TRPM1: variants seen among roughly 807,000 people sequenced by gnomAD.
TRPM1 encodes transient receptor potential cation channel subfamily M member 1, also known as TRPM1-203 APA Isoform, Intron 10.
TRPM1 carries 113 observed loss-of-function variants against 149.4 expected under a neutral mutation model. The observed-to-expected ratio is 0.76, with a 90% CI of 0.65 to 0.88. The LOEUF (loss-of-function observed/expected upper bound fraction) is 0.88. Ranked by LOEUF, TRPM1 falls within the 40% of genes least tolerant of loss-of-function variation. The pLI, the probability that TRPM1 is intolerant of heterozygous loss-of-function variation, is 0.00. For synonymous variants in TRPM1, 741 were observed against 759.5 expected, an observed-to-expected ratio of 0.98 and a Z score of 0.40; for missense variants, 1,976 against 2,038.7, an observed-to-expected ratio of 0.97 and a Z score of 0.59.
In TRPM1 at chr15:31,157,471, C is replaced by T. The variant is rs563472224; in HGVS notation, c.54+3435G>A. Among the ~76,000 whole-genome samples, 11 of 152,232 alleles carry T rather than the reference C, an allele frequency of 7.2e-5. 1 individual carries two copies. The highest frequency in any genetic ancestry group is 2.6e-4 in the African/African-American group (11 of 41,510). Reference sequence around the variant, plus strand: ...AGATGGGTACAATTGCTGGGCTATCCTATTATTAATCGTATTTAGGATCTT... The same window carrying T: ...AGATGGGTACAATTGCTGGGCTATCTTATTATTAATCGTATTTAGGATCTT... On this transcript the variant is annotated intron_variant, in intron 1 of 26. Coordinates refer to the TRPM1 transcript ENST00000542188.
At chr15:31,065,448 C>T (rs1360847880) in intron 7 of TRPM1, among the ~76,000 whole-genome samples, 2 of 152,160 alleles carry the variant, frequency 1.3e-5, no homozygotes, top group Non-Finnish European at 2.9e-5. Context: ...TAAACATGCT[C>T]CAAGAGATTA....
chr15:31,066,147 C>T lies in TRPM1; in HGVS notation c.719G>A (p.Gly240Asp), dbSNP rs1397701087. Residue 240 changes from glycine (G) to aspartate (D), a missense_variant, in exon 7 of 28, where the codon GGC becomes GAC. This residue lies in a region of TRPM1 where 1,332 missense variants were observed against 1,347.1 expected (regional missense o/e 0.99). Transcript: ENST00000256552. The stretch of plus-strand genomic sequence containing the variant: ...CAGCTTCACCTCGGCGCCATACTTG[C>T]CCAGGGTGCCATTGTCAGCCAGGAT... ...HFILADNGTL[G>D]KYGAEVKLRR... The T allele has an allele frequency of 2.5e-6, 4 of 1,614,058 alleles. No homozygotes were observed. The highest frequency in any genetic ancestry group is 3.4e-6 in the Non-Finnish European group (4 of 1,180,046).
At chr15:31,063,415 G>T in intron 7 of TRPM1, 123 bp from the exon 8 acceptor site, 1 of 1,271,360 alleles carries the variant, frequency 7.9e-7, no homozygotes, top group Non-Finnish European at 1.1e-6. Context: ...CTATCTGGCT[G>T]GAAGGAATTC....
Position 31,067,709 on chromosome 15 carries a change from T to A in TRPM1, c.493+170A>T, listed in dbSNP as rs28545730. 0.094 allele frequency among the ~76,000 whole-genome samples: 14,242 copies of A among 152,076 alleles called. 718 individuals carry two copies. The highest frequency in any genetic ancestry group is 0.11 in the Non-Finnish European group (7,651 of 67,998). On this transcript the variant is annotated intron_variant, in intron 5 of 27. Transcript: ENST00000256552. ...TATATTTGCTGTTTTTTTTTAAGAGTCATATCAAAGTAAAAAACACAAGCT... is the reference window on the plus strand; with the variant it reads ...TATATTTGCTGTTTTTTTTTAAGAGACATATCAAAGTAAAAAACACAAGCT...
chr15:31,036,889 C>T (rs1329420850), intron 20 of TRPM1, among the ~76,000 whole-genome samples: 3 of 152,166 alleles, frequency 2.0e-5, no homozygotes, highest in Admixed American at 6.5e-5. Context: ...CCTCATTCAT[C>T]GCCCAGACCA....
chr15:31,036,325 G>T (rs2911853), intron 20 of TRPM1, among the ~76,000 whole-genome samples: 80,970 of 151,990 alleles, frequency 0.53, 22,855 homozygotes, highest in East Asian at 0.94. Flanking sequence ...GATTCACCAT[G>T]ATGCCAAGGA....
chr15:31,090,609 C>T (rs1294098164), intron 1 of TRPM1, among the ~76,000 whole-genome samples: 1 of 151,556 alleles, frequency 6.6e-6, no homozygotes, highest in Non-Finnish European at 1.5e-5. Flanking sequence ...TGCACTCTAG[C>T]CTGGGCAACA....
chr15:31,008,933 A>G (rs1478304096), intron 27 of TRPM1, among the ~76,000 whole-genome samples: 1 of 152,186 alleles, frequency 6.6e-6, no homozygotes, highest in African/African-American at 2.4e-5. Flanking sequence ...TTGACTGTCA[A>G]ATATACTTTA....
intron 1 of TRPM1, among the ~76,000 whole-genome samples, chr15:31,098,162 G>A (rs554527213): frequency 2.6e-5 from 4 of 152,310 alleles, no homozygotes; most frequent in East Asian, 3.9e-4. Context: ...CAGGCCGGGC[G>A]TGGTGGCTCA....
At chr15:31,120,210 G>A (rs2035857513) in intron 1 of TRPM1, among the ~76,000 whole-genome samples, 1 of 151,666 alleles carries the variant, frequency 6.6e-6, no homozygotes, top group Non-Finnish European at 1.5e-5. Flanking sequence ...TAAAATATAG[G>A]GAAAGATATA....
rs75164427 is a variant in TRPM1 at position 31,138,225 on chromosome 15, G to T, written c.54+22681C>A. ...CAACCAGGGCACTGGAAAGGGGGCCGCCCTCACAAAGATTTTGAGGGAAGC... is the reference window on the plus strand; with the variant it reads ...CAACCAGGGCACTGGAAAGGGGGCCTCCCTCACAAAGATTTTGAGGGAAGC... On this transcript the variant is annotated intron_variant, in intron 1 of 26. Coordinates refer to the TRPM1 transcript ENST00000542188. 6.1e-4 allele frequency among the ~76,000 whole-genome samples: 93 copies of T among 152,096 alleles called. 1 individual carries two copies. Among genetic ancestry groups the T allele is most frequent in the African/African-American group, 2.2e-3 (90 of 41,500 alleles).
At chr15:31,013,591 C>T (rs1482035492) in intron 27 of TRPM1, among the ~76,000 whole-genome samples, 2 of 152,024 alleles carry the variant, frequency 1.3e-5, no homozygotes, top group Non-Finnish European at 2.9e-5. Context: ...ACCATAGTTT[C>T]TTATTTCTTT....
At chr15:31,150,097 C>G (rs576150174) in intron 1 of TRPM1, among the ~76,000 whole-genome samples, 12 of 152,162 alleles carry the variant, frequency 7.9e-5, no homozygotes, top group Admixed American at 7.9e-4. Flanking sequence ...TTGTGTTGCC[C>G]GCAGCCCTAA....
chr15:31,033,254 C>T (rs1177065096), intron 21 of TRPM1, among the ~76,000 whole-genome samples: 1 of 152,204 alleles, frequency 6.6e-6, no homozygotes, highest in Non-Finnish European at 1.5e-5. Flanking sequence ...TGTTACTCCA[C>T]ATTCCAGAGT....
At chr15:31,029,838 A>G (rs1473617804) in intron 23 of TRPM1, among the ~76,000 whole-genome samples, 1 of 152,184 alleles carries the variant, frequency 6.6e-6, no homozygotes, top group Non-Finnish European at 1.5e-5. Context: ...GTTACTGAGA[A>G]TAGCACAGCC....
chr15:31,082,173 C>A (rs1319890289), intron 1 of TRPM1, among the ~76,000 whole-genome samples: 5 of 152,200 alleles, frequency 3.3e-5, no homozygotes, highest in Non-Finnish European at 2.9e-5. Flanking sequence ...ACAAACCCTT[C>A]ATAACCTCCC....
chr15:31,069,766 G>A (rs1026280347), intron 4 of TRPM1: 18 of 1,448,628 alleles, frequency 1.2e-5, no homozygotes, highest in Non-Finnish European at 1.4e-5. Flanking sequence ...GTGTTTGCAG[G>A]GTTGGGCCAG....
At chr15:31,078,711 G>A (rs1030350807) in intron 2 of TRPM1, among the ~76,000 whole-genome samples, 2 of 152,140 alleles carry the variant, frequency 1.3e-5, no homozygotes, top group African/African-American at 4.8e-5. Flanking sequence ...CTTCTCCAGC[G>A]CAAGACAGCG....
intron 1 of TRPM1, among the ~76,000 whole-genome samples, chr15:31,120,242 G>A (rs2035857961): frequency 6.6e-6 from 1 of 151,892 alleles, no homozygotes; most frequent in African/African-American, 2.4e-5. Context: ...TTAGTCAAAA[G>A]AAAGCTGGAG....
Sources: allele counts gnomAD v4.1 joint callset (sites outside exome capture counted in the v4.1 genomes callset), GRCh38; gene constraint gnomAD v4.1.1; regional missense constraint gnomAD v4.1.1; transcripts MANE v1.5; gene names NCBI Gene and HGNC (gene_info 2026-07-23, HGNC 2026-07-21).